ZKSCAN2: variants seen among roughly 807,000 people sequenced by gnomAD.
ZKSCAN2 encodes the protein zinc finger with KRAB and SCAN domains 2.
ZKSCAN2 carries 38 observed loss-of-function variants against 90.5 expected under a neutral mutation model. That is an observed-to-expected ratio of 0.42 (90% CI 0.32 to 0.55). The LOEUF is 0.55. Among genes scored for constraint, ZKSCAN2 ranks in the 20% least tolerant of loss-of-function variants. ZKSCAN2 has a pLI of 0.11. For synonymous variants in ZKSCAN2, 429 were observed against 421.6 expected (o/e 1.02, Z -0.22); for missense variants, 1,167 against 1,202.6 (o/e 0.97, Z 0.44).
intron 6 of ZKSCAN2, among the ~76,000 whole-genome samples, chr16:25,242,926 G>A (rs542530343): frequency 7.2e-5 from 11 of 152,344 alleles, no homozygotes; most frequent in African/African-American, 2.2e-4. Context: ...GGATGAGGGC[G>A]GGAGCCCACA....
intron 4 of ZKSCAN2, among the ~76,000 whole-genome samples, chr16:25,249,261 T>A (rs1203998350): frequency 6.6e-6 from 1 of 152,194 alleles, no homozygotes; most frequent in African/African-American, 2.4e-5. Flanking sequence ...CTATAATATG[T>A]AGTAATGCTT....
intron 6 of ZKSCAN2, 51 bp downstream of exon 6, chr16:25,243,734 A>T: frequency 1.8e-6 from 2 of 1,095,342 alleles, no homozygotes; most frequent in Non-Finnish European, 2.4e-6. Context: ...TTTTTCAGTA[A>T]ATCACACTTA....
chr16:25,240,350 C>T lies in ZKSCAN2; in HGVS notation c.2370G>A (p.Leu790=), dbSNP rs757796727. Residue 790 remains leucine (L), a synonymous_variant, in exon 7 of 7, where the codon CTG becomes CTA. Coordinates refer to ENST00000328086, the MANE Select transcript of ZKSCAN2 (RefSeq NM_001012981.5). ...CGKCFGRSRS[L]IRHQRIHTGE... ...CTGTGTGGATTCTTTGGTGTCTGAT[C>T]AGGCTCCTGCTTCTACCAAAGCACT... is the stretch of plus-strand genomic sequence containing the variant. 1 of 1,613,946 alleles carries T rather than the reference C, an allele frequency of 6.2e-7. No individual in the cohort carries two copies.
At chr16:25,245,884 A>G (rs887343345) in intron 5 of ZKSCAN2, among the ~76,000 whole-genome samples, 5 of 152,126 alleles carry the variant, frequency 3.3e-5, no homozygotes, top group African/African-American at 1.2e-4. Flanking sequence ...GCCTTCATTT[A>G]TATTATCCTA....
chr16:25,252,098 A>G (rs1963029839), intron 3 of ZKSCAN2, 63 bp from the exon 4 acceptor site: 34 of 1,587,764 alleles, frequency 2.1e-5, no homozygotes, highest in Non-Finnish European at 2.8e-5. Flanking sequence ...AGGATGAGCA[A>G]TCACAGATGA....
chr16:25,246,631 C>T, intron 5 of ZKSCAN2, 76 bp downstream of exon 5: 2 of 1,539,192 alleles, frequency 1.3e-6, no homozygotes, highest in Non-Finnish European at 1.8e-6. Flanking sequence ...CCGGGTTTGG[C>T]CACTTCTGGT....
chr16:25,244,346 T>G lies in ZKSCAN2; in HGVS notation c.1490-70A>C. ...TCTCTAGCCTCTATACTATATACATTAAGAAATGTAGAGGTAAAAAAAAAT... is the reference window on the plus strand; with the variant it reads ...TCTCTAGCCTCTATACTATATACATGAAGAAATGTAGAGGTAAAAAAAAAT... On this transcript the variant is annotated intron_variant, in intron 5 of 6. Coordinates refer to ENST00000328086, the MANE Select transcript of ZKSCAN2 (RefSeq NM_001012981.5). 2 of 1,497,754 alleles carry G rather than the reference T, an allele frequency of 1.3e-6. 1 individual carries two copies. Among genetic ancestry groups the G allele is most frequent in the South Asian group, 2.7e-5 (2 of 73,292 alleles). The allele number at this position is 1,497,754 out of a possible 1,614,324, so 92.8% of individuals were successfully genotyped here.
rs779203003 is a variant in ZKSCAN2, at chr16:25,240,351, A to C, written c.2369T>G (p.Leu790Arg). 5 of 1,613,904 alleles carry C rather than the reference A, an allele frequency of 3.1e-6. No homozygotes were observed. The highest frequency in any genetic ancestry group is 4.2e-6 in the Non-Finnish European group (5 of 1,180,030). ...TGTGTGGATTCTTTGGTGTCTGATC[A>C]GGCTCCTGCTTCTACCAAAGCACTT... is the stretch of plus-strand genomic sequence containing the variant. The part of the protein sequence containing the change: ...CGKCFGRSRS[L>R]IRHQRIHTGE... Residue 790 changes from leucine (L) to arginine (R), a missense_variant, in exon 7 of 7, where the codon CTG becomes CGG. By Grantham distance (102) the Leu-to-Arg change is moderately radical. Transcript: ENST00000328086.
rs191768607 is a variant in ZKSCAN2, at chr16:25,247,849, A to G, written c.806-459T>C. On this transcript the variant is annotated intron_variant, in intron 4 of 6. Transcript: ENST00000328086. ...GAAGCCAAGAATTTTTTGTTAAACT[A>G]TATTACAAAGCCACAGTAATCAAAA... is the stretch of plus-strand genomic sequence containing the variant. Among the ~76,000 whole-genome samples the G allele has an allele frequency of 1.2e-3, 189 of 152,296 alleles. 1 individual carries two copies. The highest frequency in any genetic ancestry group is 3.4e-3 in the Middle Eastern group (1 of 294).
intron 4 of ZKSCAN2, among the ~76,000 whole-genome samples, chr16:25,249,848 C>T (rs548029919): frequency 6.6e-6 from 1 of 152,264 alleles, no homozygotes; most frequent in South Asian, 2.1e-4. Context: ...TGGTACATAT[C>T]CCAAGGAGAC....
rs763789877 is a variant in ZKSCAN2, at chr16:25,247,373, A to ATGTTATCT, written c.822_823insAGATAACA (p.Ser275ArgfsTer2). The stretch of plus-strand genomic sequence containing the variant: ...TGTTCCAACCGGGTTATCTTGTTAG[A>ATGTTATCT]TGTAGACACTGCACTTCCTACAGTA... On this transcript the variant is annotated stop_gained and frameshift_variant, in exon 5 of 7. Coordinates refer to ENST00000328086, the MANE Select transcript of ZKSCAN2 (RefSeq NM_001012981.5). LOFTEE classifies it high-confidence loss of function. 1 of 1,608,058 alleles carries ATGTTATCT rather than the reference A, an allele frequency of 6.2e-7. No homozygotes were observed. The highest frequency in any genetic ancestry group is 8.5e-7 in the Non-Finnish European group (1 of 1,179,006).
At chr16:25,247,444 C>A in intron 4 of ZKSCAN2, 54 bp from the exon 5 acceptor site, 1 of 1,473,454 alleles carries the variant, frequency 6.8e-7, no homozygotes, top group South Asian at 1.3e-5. Context: ...TACTGCATGC[C>A]TCAATCTTCT....
At chr16:25,256,364 A>G (rs543783402) in intron 1 of ZKSCAN2, among the ~76,000 whole-genome samples, 245 of 149,986 alleles carry the variant, frequency 1.6e-3, no homozygotes, top group Middle Eastern at 3.4e-3. Context: ...TTAAAGGGGG[A>G]ACAGAATAGC....
At chr16:25,253,192 C>G (rs1424942252) in intron 2 of ZKSCAN2, among the ~76,000 whole-genome samples, 155 bp from the exon 3 acceptor site, 1 of 152,076 alleles carries the variant, frequency 6.6e-6, no homozygotes, top group Non-Finnish European at 1.5e-5. Flanking sequence ...AAACACAGTA[C>G]CCTAAAGCTG....
chr16:25,257,493 G>C lies in ZKSCAN2; in HGVS notation c.-366C>G. ...GAGGCGGACAGCCGGGCCGGGAGGGGGTGTGTCCGCTACTCCCGGGTCGGG... is the reference window on the plus strand; with the variant it reads ...GAGGCGGACAGCCGGGCCGGGAGGGCGTGTGTCCGCTACTCCCGGGTCGGG... On this transcript the variant is annotated 5_prime_UTR_variant, in exon 1 of 7. Coordinates refer to ENST00000328086, the MANE Select transcript of ZKSCAN2 (RefSeq NM_001012981.5). 2 of 1,004,278 alleles carry C rather than the reference G, an allele frequency of 2.0e-6. No individual in the cohort carries two copies. Among genetic ancestry groups the C allele is most frequent in the Non-Finnish European group, 2.4e-6 (2 of 843,108 alleles). 62.2% of individuals were successfully genotyped at this position (1,004,278 alleles called of 1,614,324 possible).
chr16:25,255,830 G>T (rs1963093285), intron 1 of ZKSCAN2, among the ~76,000 whole-genome samples: 1 of 152,172 alleles, frequency 6.6e-6, no homozygotes, highest in Non-Finnish European at 1.5e-5. Context: ...TGATCAACAT[G>T]CCTCGGCCTC....
chr16:25,242,098 C>T (rs184538885), intron 6 of ZKSCAN2, among the ~76,000 whole-genome samples: 1 of 152,288 alleles, frequency 6.6e-6, no homozygotes, highest in Admixed American at 6.5e-5. Flanking sequence ...CTCCTGTGCT[C>T]AAGCGATCCT....
At chr16:25,246,601 G>C (rs1962936504) in intron 5 of ZKSCAN2, 106 bp downstream of exon 5, 3 of 1,120,372 alleles carry the variant, frequency 2.7e-6, no homozygotes, top group Non-Finnish European at 4.0e-6. Flanking sequence ...AAAGTGGTGA[G>C]GTGTGTGTGA....
chr16:25,247,459 T>A (rs36001886), intron 4 of ZKSCAN2, 69 bp from the exon 5 acceptor site: 151,344 of 1,377,346 alleles, frequency 0.11, 8,897 homozygotes, highest in Middle Eastern at 0.14. Flanking sequence ...TCTTCTGCTG[T>A]CACATGCTCT....
Sources: gnomAD v4.1 joint callset for allele counts (sites outside exome capture counted in the v4.1 genomes callset) on GRCh38, gnomAD v4.1.1 for gene constraint, MANE v1.5 for transcripts, NCBI Gene and HGNC (gene_info 2026-07-23, HGNC 2026-07-21) for gene names.